The following ARRB1 variants were observed in gnomAD, a reference collection of about 807,000 sequenced individuals.
The protein encoded by ARRB1 is beta-arrestin-1.
A neutral mutation model predicts 56.8 loss-of-function variants in ARRB1; 21 were observed. The observed-to-expected ratio is 0.37, with a 90% CI of 0.26 to 0.53. The LOEUF (loss-of-function observed/expected upper bound fraction) is 0.53. Among genes scored for constraint, ARRB1 ranks in the 20% least tolerant of loss-of-function variants. The probability of loss-of-function intolerance (pLI) is 0.88; values close to 1 mark genes in which losing one functional copy is unlikely to be tolerated. For missense variants in ARRB1, 424 were observed against 553.7 expected (o/e 0.77, Z 2.35); for synonymous variants, 210 against 218.6 (o/e 0.96, Z 0.35).
chr11:75,331,857 C>CA lies in ARRB1; in HGVS notation c.20+19730dup, dbSNP rs374450618. ...GACTTACTTTCCAGTCTGACTCTGGCATAACATTACTGTAAGGCTTCTGAG... is the reference window on the plus strand; with the variant it reads ...GACTTACTTTCCAGTCTGACTCTGGCAATAACATTACTGTAAGGCTTCTGAG... On this transcript the variant is annotated intron_variant, in intron 1 of 15. Coordinates refer to ENST00000420843, the MANE Select transcript of ARRB1 (RefSeq NM_004041.5). Among the ~76,000 whole-genome samples the CA allele has an allele frequency of 4.7e-4, 72 of 152,156 alleles. No individual in the cohort carries two copies. The East Asian group carries it at 0.014, about 29-fold the overall frequency.
chr11:75,346,127 T>C (rs1947762830), intron 1 of ARRB1, among the ~76,000 whole-genome samples: 1 of 152,032 alleles, frequency 6.6e-6, no homozygotes, highest in Admixed American at 6.6e-5. Context: ...CTGCAGCCAG[T>C]ATCTGCACCT....
At chr11:75,307,526 T>C (rs1250210171) in intron 1 of ARRB1, among the ~76,000 whole-genome samples, 6 of 152,146 alleles carry the variant, frequency 3.9e-5, no homozygotes, top group Non-Finnish European at 4.4e-5. Flanking sequence ...GAAGTCATGG[T>C]GCCCCATCAG....
chr11:75,281,783 C>A, intron 6 of ARRB1, 179 bp downstream of exon 6: 1 of 644,528 alleles, frequency 1.6e-6, no homozygotes, highest in Non-Finnish European at 2.7e-6. Context: ...GACCCCGTAC[C>A]TGCTGCCCTG....
chr11:75,344,643 C>T (rs1194647594), intron 1 of ARRB1, among the ~76,000 whole-genome samples: 1 of 152,158 alleles, frequency 6.6e-6, no homozygotes, highest in Non-Finnish European at 1.5e-5. Context: ...ACTCAAACCA[C>T]CCCTAGGATG....
Position 75,278,692 on chromosome 11 carries a change from C to T in ARRB1, c.535G>A (p.Gly179Ser). ...GTGGTCTCGGCTGTGGGCTGGGGGCCAGGCCTCTCTGGGGCATACTGAACC... is the reference window on the plus strand; with the variant it reads ...GTGGTCTCGGCTGTGGGCTGGGGGCTAGGCCTCTCTGGGGCATACTGAACC... The part of the protein sequence containing the change: ...RKVQYAPERP[G>S]PQPTAETTRQ... The change falls in exon 8 of 16, where the codon GGC (glycine) becomes AGC (serine). Residue 179 changes from glycine (G) to serine (S), a missense_variant. Around this residue, in one of 3 missense-constraint regions of ARRB1, gnomAD observed 301 missense variants for 387.9 expected, o/e 0.78. Transcript: ENST00000420843. The T allele has an allele frequency of 2.5e-6, 4 of 1,614,098 alleles. No individual in the cohort carries two copies. Among genetic ancestry groups the T allele is most frequent in the Non-Finnish European group, 2.5e-6 (3 of 1,179,982 alleles).
Position 75,281,095 on chromosome 11 carries a change from C to T in ARRB1, c.462G>A (p.Leu154=). The T allele has an allele frequency of 6.2e-7, 1 of 1,603,428 alleles. No homozygotes were observed. Among genetic ancestry groups the T allele is most frequent in the Non-Finnish European group, 8.5e-7 (1 of 1,174,768 alleles). ...CTCACCGCTTGTGGATCTTCTCCTC[C>T]AAATTCTCCGCGCAGAAGGCTTTGA... ...YEVKAFCAEN[L]EEKIHKRNSV... is the part of the protein sequence containing the mutation. Residue 154 remains leucine, a synonymous_variant, in exon 7 of 16, where the codon TTG becomes TTA. Coordinates refer to ENST00000420843, the MANE Select transcript of ARRB1 (RefSeq NM_004041.5).
At chr11:75,315,100 G>A (rs1031014706) in intron 1 of ARRB1, among the ~76,000 whole-genome samples, 48 of 152,136 alleles carry the variant, frequency 3.2e-4, no homozygotes, top group African/African-American at 8.7e-4. Context: ...GAGATCACCC[G>A]CTGTAGTGAA....
At chr11:75,306,506 A>G (rs1377462830) in intron 1 of ARRB1, 7 of 946,760 alleles carry the variant, frequency 7.4e-6, no homozygotes, top group Non-Finnish European at 1.0e-5. Flanking sequence ...AAATCCCAGA[A>G]AGAGAGGAAA....
intron 1 of ARRB1, among the ~76,000 whole-genome samples, chr11:75,297,606 T>A (rs1946784754): frequency 6.6e-6 from 1 of 151,970 alleles, no homozygotes; most frequent in Non-Finnish European, 1.5e-5. Context: ...GTCTCACATC[T>A]GTAATCCCAG....
At chr11:75,284,390 C>T in intron 3 of ARRB1, 111 bp from the exon 4 acceptor site, 1 of 1,168,244 alleles carries the variant, frequency 8.6e-7, no homozygotes, top group Admixed American at 2.7e-5. Flanking sequence ...CTAAAATCAT[C>T]CTGAGAAAAA....
chr11:75,297,744 A>T (rs770125068), intron 1 of ARRB1, among the ~76,000 whole-genome samples: 35 of 151,624 alleles, frequency 2.3e-4, no homozygotes, highest in Non-Finnish European at 4.9e-4. Context: ...AGGCACCTGT[A>T]ATCCCAGCTA....
At chr11:75,323,922 T>A (rs1947386685) in intron 1 of ARRB1, among the ~76,000 whole-genome samples, 1 of 152,096 alleles carries the variant, frequency 6.6e-6, no homozygotes, top group African/African-American at 2.4e-5. Flanking sequence ...GGAACAATCA[T>A]TAACGAATCG....
chr11:75,335,626 A>C (rs575053253), intron 1 of ARRB1, among the ~76,000 whole-genome samples: 3 of 150,274 alleles, frequency 2.0e-5, no homozygotes, highest in Admixed American at 1.3e-4. Flanking sequence ...TGAGTCTCGG[A>C]CCTGCCTGCG....
At chr11:75,326,223 C>G (rs144828866) in intron 1 of ARRB1, among the ~76,000 whole-genome samples, 1 of 152,136 alleles carries the variant, frequency 6.6e-6, no homozygotes. Context: ...GGAGGATGTG[C>G]GAGAGCTCCT....
intron 1 of ARRB1, among the ~76,000 whole-genome samples, chr11:75,304,963 A>T (rs1946988351): frequency 6.6e-6 from 1 of 151,642 alleles, no homozygotes. Context: ...ACAATTAAAT[A>T]AACTCTATTA....
At chr11:75,280,908 A>G (rs1946318850) in intron 7 of ARRB1, 167 bp downstream of exon 7, 1 of 740,762 alleles carries the variant, frequency 1.3e-6, no homozygotes, top group Admixed American at 2.4e-5. Context: ...CACCTCCCCA[A>G]GGAAGCCCTC....
chr11:75,275,563 C>T (rs916656968), intron 10 of ARRB1, among the ~76,000 whole-genome samples: 3 of 152,188 alleles, frequency 2.0e-5, no homozygotes, highest in African/African-American at 7.2e-5. Flanking sequence ...TGCTTGATCA[C>T]ATCCATCATA....
chr11:75,315,543 G>A (rs1333329300), intron 1 of ARRB1, among the ~76,000 whole-genome samples: 4 of 152,276 alleles, frequency 2.6e-5, no homozygotes, highest in South Asian at 2.1e-4. Context: ...GCAGCTTCCC[G>A]CTGCCCTCCC....
At chr11:75,278,101 T>C (rs1458297514) in intron 8 of ARRB1, among the ~76,000 whole-genome samples, 1 of 152,234 alleles carries the variant, frequency 6.6e-6, no homozygotes, top group Non-Finnish European at 1.5e-5. Flanking sequence ...GGCACTTCCC[T>C]TCAGCCATGC....
Sources: allele counts gnomAD v4.1 joint callset (sites outside exome capture counted in the v4.1 genomes callset), GRCh38; gene constraint gnomAD v4.1.1; regional missense constraint gnomAD v4.1.1; transcripts MANE v1.5; gene names NCBI Gene and HGNC (gene_info 2026-07-23, HGNC 2026-07-21).